CDH22: variants seen among roughly 807,000 people sequenced by gnomAD.
CDH22 encodes the protein cadherin-22.
Under a neutral mutation model 58.4 loss-of-function variants are expected in CDH22, and 30 were observed. The ratio of observed to expected loss-of-function variants is 0.51; its 90% CI spans 0.38 to 0.70. The LOEUF is 0.70. Ranked by LOEUF, CDH22 falls within the 30% of genes least tolerant of loss-of-function variation. The probability of loss-of-function intolerance (pLI) is 0.00; values close to 1 mark genes in which losing one functional copy is unlikely to be tolerated. For missense variants in CDH22, 1,014 were observed against 1,233.9 expected, an observed-to-expected ratio of 0.82 and a Z score of 2.67; for synonymous variants, 513 against 558.2, an observed-to-expected ratio of 0.92 and a Z score of 1.14.
At chr20:46,283,315 A>G (rs2425856) in intron 1 of CDH22, among the ~76,000 whole-genome samples, 93,384 of 151,938 alleles carry the variant, frequency 0.61, 29,123 homozygotes, top group South Asian at 0.75. Context: ...GAGCTCCAGA[A>G]TTACACAGAC....
intron 1 of CDH22, among the ~76,000 whole-genome samples, chr20:46,304,124 AGGATCCTGAAGTCAGAGAC>A (rs1381541990): frequency 8.5e-5 from 13 of 152,198 alleles, no homozygotes; most frequent in Non-Finnish European, 1.0e-4. Context: ...CAAAGGAAGA[AGGATCCTGAAGTCAGAGAC>A]GGATCCTGAA....
chr20:46,263,427 T>TGTGC lies in CDH22; in HGVS notation c.-399-11735_-399-11734insGCAC, dbSNP rs1555806387. On this transcript the variant is annotated intron_variant, in intron 1 of 11. Transcript: ENST00000537909. ...CATTCTGTGTGTGTGTGTGTGTGTG[T>TGTGC]GCGTGTGTGTGCATGTGTGTGTGTG... Among the ~76,000 whole-genome samples the TGTGC allele has an allele frequency of 8.5e-3, 1,094 of 128,846 alleles. 15 individuals carry two copies. Among genetic ancestry groups the TGTGC allele is most frequent in the African/African-American group, 0.029 (1,021 of 34,916 alleles). 84.5% of individuals were successfully genotyped at this position (128,846 alleles called of 152,430 possible).
intron 1 of CDH22, among the ~76,000 whole-genome samples, chr20:46,304,782 T>C (rs1031961361): frequency 6.6e-6 from 1 of 152,244 alleles, no homozygotes; most frequent in Non-Finnish European, 1.5e-5. Flanking sequence ...AGTGAATATA[T>C]CCTTAACCCC....
chr20:46,251,264 G>A lies in CDH22; in HGVS notation c.31C>T (p.Arg11Trp). The A allele has an allele frequency of 1.4e-6, 2 of 1,464,134 alleles. No individual in the cohort carries two copies. Among genetic ancestry groups the A allele is most frequent in the Non-Finnish European group, 1.8e-6 (2 of 1,113,606 alleles). The allele number at this position is 1,464,134 out of a possible 1,614,324, so 90.7% of individuals were successfully genotyped here. The part of the protein sequence containing the change: MRPRPEGRGL[R>W]AGVALSPALL... Reference sequence around the variant, plus strand: ...GCGGGGGACAGCGCGACTCCCGCCCGGAGCCCCCTACCTTCGGGCCTCGGC... The same window carrying A: ...GCGGGGGACAGCGCGACTCCCGCCCAGAGCCCCCTACCTTCGGGCCTCGGC... The change falls in exon 2 of 12, where the codon CGG becomes TGG. Residue 11 changes from arginine to tryptophan, a missense_variant. Physicochemically the swap from Arg to Trp is moderately radical, Grantham distance 101 (BLOSUM62 -3). This residue lies in a region of CDH22 where 806 missense variants were observed against 1,038.7 expected (regional missense o/e 0.78). Transcript: ENST00000537909. The surrounding 1 kb of genome is among the most constrained non-coding windows in gnomAD (Gnocchi z 6.7).
Position 46,188,398 on chromosome 20 carries a change from AC to A in CDH22, c.1424-1452del, listed in dbSNP as rs35871907. ...CACCTGCAAAATCGGTCTAATATTG[AC>A]CCAATTATGCCTAGCGTTCCATTAT... On this transcript the variant is annotated intron_variant, in intron 8 of 11. Transcript: ENST00000537909. 8.6e-4 allele frequency among the ~76,000 whole-genome samples: 131 copies of A among 152,158 alleles called. 2 individuals carry two copies. In the East Asian group the frequency reaches 0.018, roughly 21 times the overall value.
intron 1 of CDH22, among the ~76,000 whole-genome samples, chr20:46,278,601 T>C (rs529967826): frequency 1.3e-5 from 2 of 152,266 alleles, no homozygotes; most frequent in South Asian, 4.2e-4. Context: ...TCTATTTTTT[T>C]TGAGACAGGG....
chr20:46,287,549 AT>A (rs1747674060), intron 1 of CDH22, among the ~76,000 whole-genome samples: 1 of 151,804 alleles, frequency 6.6e-6, no homozygotes, highest in African/African-American at 2.4e-5. Flanking sequence ...GGCTGGATGG[AT>A]TTTGCCAAGC....
chr20:46,232,204 A>G (rs1218913116), intron 3 of CDH22, among the ~76,000 whole-genome samples: 2 of 152,068 alleles, frequency 1.3e-5, no homozygotes, highest in African/African-American at 2.4e-5. Flanking sequence ...TGTGAAGTGC[A>G]GTTGAGTCTC....
chr20:46,239,194 G>A (rs1021797531), intron 3 of CDH22, among the ~76,000 whole-genome samples: 1 of 152,232 alleles, frequency 6.6e-6, no homozygotes, highest in African/African-American at 2.4e-5. Context: ...TTTCACTGCT[G>A]TGTTCCCAGG....
At chr20:46,236,979 C>A (rs2086258046) in intron 3 of CDH22, among the ~76,000 whole-genome samples, 1 of 152,200 alleles carries the variant, frequency 6.6e-6, no homozygotes, top group African/African-American at 2.4e-5. Flanking sequence ...AGGCATGGGC[C>A]ACCGCACCTG....
At chr20:46,202,515 G>A (rs1326591087) in intron 7 of CDH22, among the ~76,000 whole-genome samples, 5 of 151,916 alleles carry the variant, frequency 3.3e-5, no homozygotes, top group African/African-American at 1.2e-4. Context: ...CACCACGCCC[G>A]GCTAATTTTT....
chr20:46,179,183 G>A (rs1319134153), intron 10 of CDH22, among the ~76,000 whole-genome samples: 3 of 152,204 alleles, frequency 2.0e-5, no homozygotes, highest in Non-Finnish European at 2.9e-5. Context: ...GCAGGGGTAC[G>A]AAGTGCCCAG....
Position 46,174,852 on chromosome 20 carries a change from G to A in CDH22, c.2141C>T (p.Ser714Leu). ...GSAGGGAGGGSGGGAGSPPQA... is the reference protein window; with the variant it reads ...GSAGGGAGGGLGGGAGSPPQA... Reference sequence around the variant, plus strand: ...CGGGGGGCTGCCCGCGCCCCCGCCCGAGCCCCCGCCCGCTCCCCCGCCCGC... The same window carrying A: ...CGGGGGGCTGCCCGCGCCCCCGCCCAAGCCCCCGCCCGCTCCCCCGCCCGC... Residue 714 changes from serine to leucine, a missense_variant, in exon 12 of 12, where the codon TCG becomes TTG. By Grantham distance (145) the Ser-to-Leu change is moderately radical (BLOSUM62 -2). Coordinates refer to ENST00000537909, the MANE Select transcript of CDH22 (RefSeq NM_021248.3). This position sits in a 1 kb window ranked among gnomAD's most constrained non-coding sequence, Gnocchi z 4.4. 7.0e-6 allele frequency: 3 copies of A among 426,592 alleles called. No individual in the cohort carries two copies. The highest frequency in any genetic ancestry group is 1.0e-5 in the Non-Finnish European group (3 of 297,424). The allele number at this position is 426,592 out of a possible 1,614,324, so 26.4% of individuals were successfully genotyped here.
At chr20:46,306,220 G>T (rs1383006675) in intron 1 of CDH22, among the ~76,000 whole-genome samples, 1 of 152,206 alleles carries the variant, frequency 6.6e-6, no homozygotes, top group African/African-American at 2.4e-5. Context: ...GCTCTGTTTT[G>T]CCCCAGGCCT....
At chr20:46,192,396 T>G (rs1169733031) in intron 8 of CDH22, among the ~76,000 whole-genome samples, 1 of 152,144 alleles carries the variant, frequency 6.6e-6, no homozygotes, top group Admixed American at 6.5e-5. Context: ...AACAGTCTAG[T>G]GCTGGGACCC....
chr20:46,242,327 G>A lies in CDH22; in HGVS notation c.256-1070C>T, dbSNP rs573070734. ...CTTTCCCATTCCATCTAAAGCCTCC[G>A]GAGAGGAGCCCAGGGGAAGGGAGAG... On this transcript the variant is annotated intron_variant, in intron 2 of 11. Transcript: ENST00000537909. Among the ~76,000 whole-genome samples the A allele has an allele frequency of 1.5e-4, 23 of 152,290 alleles. No homozygotes were observed. In the East Asian group the frequency reaches 3.3e-3, roughly 22 times the overall value.
chr20:46,259,639 G>C (rs550102292), intron 1 of CDH22, among the ~76,000 whole-genome samples: 1 of 152,212 alleles, frequency 6.6e-6, no homozygotes, highest in African/African-American at 2.4e-5. Flanking sequence ...CTATCTCCTT[G>C]AGTAACCATG....
At position 46,251,332 on chromosome 20, in the gene CDH22, C is replaced by G; in HGVS notation, c.-38G>C. On this transcript the variant is annotated 5_prime_UTR_variant, in exon 2 of 12. Coordinates refer to ENST00000537909, the MANE Select transcript of CDH22 (RefSeq NM_021248.3). The surrounding 1 kb of genome is among the most constrained non-coding windows in gnomAD (Gnocchi z 6.7). ...CGGGGCTGGGGCCCAGGAGCATGGA[C>G]GAGAGGCACCAGGGCGCCGCTGCTT... 1.4e-6 allele frequency: 2 copies of G among 1,417,876 alleles called. No individual in the cohort carries two copies. The highest frequency in any genetic ancestry group is 1.8e-6 in the Non-Finnish European group (2 of 1,094,656). The allele number at this position is 1,417,876 out of a possible 1,614,324, so 87.8% of individuals were successfully genotyped here.
At chr20:46,237,852 C>G (rs112639644) in intron 3 of CDH22, among the ~76,000 whole-genome samples, 1 of 152,304 alleles carries the variant, frequency 6.6e-6, no homozygotes, top group African/African-American at 2.4e-5. Flanking sequence ...ATTCCAACAA[C>G]CTGGGAGCCA....
Sources: allele counts gnomAD v4.1 joint callset (sites outside exome capture counted in the v4.1 genomes callset), GRCh38; gene constraint gnomAD v4.1.1; regional missense constraint gnomAD v4.1.1; non-coding constraint Gnocchi (gnomAD v3.1); transcripts MANE v1.5; gene names NCBI Gene and HGNC (gene_info 2026-07-23, HGNC 2026-07-21).